Variants in CSMD1 observed in about 807,000 individuals in gnomAD.
CSMD1 encodes the protein CUB and Sushi multiple domains 1, also known as CUB and sushi domain-containing protein 1.
CSMD1 carries 213 observed loss-of-function variants against 417.5 expected under a neutral mutation model. The observed-to-expected ratio is 0.51, with a 90% CI of 0.46 to 0.57. The LOEUF is 0.57. Among genes scored for constraint, CSMD1 ranks in the 20% least tolerant of loss-of-function variants. CSMD1 has a pLI of 0.00. For missense variants in CSMD1, 6,923 were observed against 4,529.7 expected, an observed-to-expected ratio of 1.53 and a Z score of -15.17; for synonymous variants, 2,862 against 1,736.8, an observed-to-expected ratio of 1.65 and a Z score of -16.11.
chr8:4,950,645 T>C (rs1161112126), intron 1 of CSMD1, among the ~76,000 whole-genome samples: 1 of 152,196 alleles, frequency 6.6e-6, no homozygotes, highest in Admixed American at 6.6e-5. Flanking sequence ...GTCATTGTTT[T>C]AAATGGCCAA....
At chr8:3,450,110 G>A (rs1815598954) in intron 12 of CSMD1, among the ~76,000 whole-genome samples, 1 of 152,132 alleles carries the variant, frequency 6.6e-6, no homozygotes, top group Admixed American at 6.5e-5. Context: ...TCACTTTCAT[G>A]TATGTGTCCT....
At chr8:4,793,885 G>C (rs901625349) in intron 1 of CSMD1, among the ~76,000 whole-genome samples, 3 of 150,764 alleles carry the variant, frequency 2.0e-5, no homozygotes, top group Non-Finnish European at 4.4e-5. Flanking sequence ...TAATAAGAAT[G>C]ATCAGGTAGC....
At chr8:4,682,159 T>G (rs1156732355) in intron 1 of CSMD1, among the ~76,000 whole-genome samples, 3 of 152,048 alleles carry the variant, frequency 2.0e-5, no homozygotes, top group African/African-American at 7.2e-5. Flanking sequence ...TCTGGATAAC[T>G]GGGACTACAG....
chr8:4,430,960 G>C (rs1431843717), intron 2 of CSMD1, among the ~76,000 whole-genome samples: 1 of 152,062 alleles, frequency 6.6e-6, no homozygotes, highest in Non-Finnish European at 1.5e-5. Context: ...TTTATATCAA[G>C]ATGTCCTTTC....
At chr8:3,592,848 T>C (rs1017712821) in intron 8 of CSMD1, among the ~76,000 whole-genome samples, 3 of 151,908 alleles carry the variant, frequency 2.0e-5, no homozygotes, top group Non-Finnish European at 2.9e-5. Context: ...GAAATAGGTG[T>C]AAAGGAGATG....
At chr8:4,238,601 T>A (rs1406275636) in intron 3 of CSMD1, among the ~76,000 whole-genome samples, 1 of 152,170 alleles carries the variant, frequency 6.6e-6, no homozygotes, top group Non-Finnish European at 1.5e-5. Context: ...AGGACTTCAG[T>A]CTTCTCACTT....
At chr8:3,906,262 T>G (rs1808101868) in intron 5 of CSMD1, among the ~76,000 whole-genome samples, 2 of 150,874 alleles carry the variant, frequency 1.3e-5, no homozygotes, top group Admixed American at 1.3e-4. Flanking sequence ...TTACAATGTG[T>G]GCTGCTTCAA....
At position 4,358,529 on chromosome 8, in the gene CSMD1, G is replaced by C. The variant is rs572355464; in HGVS notation, c.415+61424C>G. On this transcript the variant is annotated intron_variant, in intron 3 of 69. Coordinates refer to ENST00000635120, the MANE Select transcript of CSMD1 (RefSeq NM_033225.6). ...ATACCAGCAGAGCTCCGCAGATGCA[G>C]AGGTGACGATATGGCCTACAAAACT... Among the ~76,000 whole-genome samples the C allele has an allele frequency of 2.5e-3, 385 of 152,306 alleles. 3 individuals carry two copies. Among genetic ancestry groups the C allele is most frequent in the Non-Finnish European group, 4.1e-3 (281 of 68,018 alleles).
At chr8:3,415,277 C>G (rs892326112) in intron 12 of CSMD1, among the ~76,000 whole-genome samples, 3 of 152,148 alleles carry the variant, frequency 2.0e-5, no homozygotes, top group Non-Finnish European at 2.9e-5. Context: ...CACCTATACT[C>G]TTAGCAATTT....
At chr8:3,700,884 G>C (rs1248760485) in intron 7 of CSMD1, among the ~76,000 whole-genome samples, 2 of 152,178 alleles carry the variant, frequency 1.3e-5, no homozygotes, top group Admixed American at 1.3e-4. Flanking sequence ...AGAAGAGGAA[G>C]GATGTGGTTC....
intron 37 of CSMD1, among the ~76,000 whole-genome samples, chr8:3,176,369 C>T (rs1029877055): frequency 1.4e-4 from 22 of 151,828 alleles, no homozygotes; most frequent in Non-Finnish European, 2.2e-4. Flanking sequence ...TGATGAAATC[C>T]ATCACTATAT....
chr8:3,613,702 AACACAC>A (rs61391436), intron 8 of CSMD1, among the ~76,000 whole-genome samples: 5,177 of 144,852 alleles, frequency 0.036, 125 homozygotes, highest in African/African-American at 0.066. Context: ...GTCAGATTAA[AACACAC>A]ACACACACAC....
At chr8:3,016,568 G>A (rs1466670256) in intron 52 of CSMD1, among the ~76,000 whole-genome samples, 1 of 152,152 alleles carries the variant, frequency 6.6e-6, no homozygotes, top group Non-Finnish European at 1.5e-5. Context: ...CTTTCAAAAT[G>A]TTTGTGCTAA....
At chr8:3,675,869 G>A (rs1054525329) in intron 7 of CSMD1, among the ~76,000 whole-genome samples, 8 of 152,118 alleles carry the variant, frequency 5.3e-5, no homozygotes, top group Non-Finnish European at 1.2e-4. Flanking sequence ...CTAGACTAAC[G>A]CTACTTCTCA....
At chr8:3,573,593 A>C (rs1172986012) in intron 10 of CSMD1, among the ~76,000 whole-genome samples, 1 of 152,222 alleles carries the variant, frequency 6.6e-6, no homozygotes, top group African/African-American at 2.4e-5. Flanking sequence ...AACTAAAATA[A>C]GCCAACCAAA....
chr8:2,974,050 G>A lies in CSMD1; in HGVS notation c.8740+401C>T, dbSNP rs753115465. On this transcript the variant is annotated intron_variant, in intron 56 of 69. Transcript: ENST00000635120. ...TGGTAGAGGATGGTGGTAGAGGATG[G>A]TGGTAGAGGATGGTGGTAGAGGATG... is the stretch of plus-strand genomic sequence containing the variant. Among the ~76,000 whole-genome samples the A allele has an allele frequency of 2.3e-5, 3 of 129,810 alleles. 1 individual carries two copies. The highest frequency in any genetic ancestry group is 1.1e-4 in the African/African-American group (3 of 27,026). 85.2% of individuals were successfully genotyped at this position (129,810 alleles called of 152,430 possible).
intron 1 of CSMD1, among the ~76,000 whole-genome samples, chr8:4,705,685 C>T (rs1807892243): frequency 6.6e-6 from 1 of 152,248 alleles, no homozygotes; most frequent in Non-Finnish European, 1.5e-5. Flanking sequence ...ATGAATATCA[C>T]TCTTTTCTGA....
At chr8:4,745,357 C>T (rs868686793) in intron 1 of CSMD1, among the ~76,000 whole-genome samples, 8 of 152,080 alleles carry the variant, frequency 5.3e-5, no homozygotes, top group African/African-American at 1.9e-4. Context: ...AGTTTAGTTA[C>T]AAATGATTTA....
chr8:4,260,228 CT>C (rs1352551093), intron 3 of CSMD1, among the ~76,000 whole-genome samples: 4 of 152,276 alleles, frequency 2.6e-5, no homozygotes, highest in Middle Eastern at 3.4e-3. Context: ...AACACTACCT[CT>C]TTGCTATTTC....
Sources: gnomAD v4.1 joint callset for allele counts (sites outside exome capture counted in the v4.1 genomes callset) on GRCh38, gnomAD v4.1.1 for gene constraint, MANE v1.5 for transcripts, NCBI Gene and HGNC (gene_info 2026-07-23, HGNC 2026-07-21) for gene names.